The following NOXA1 variants were observed in gnomAD, a reference collection of about 807,000 sequenced individuals.
NOXA1 encodes the protein NADPH oxidase activator 1, also known as NCF2-like protein.
Under a neutral mutation model 64.8 loss-of-function variants are expected in NOXA1, and 56 were observed. The ratio of observed to expected loss-of-function variants is 0.86; its 90% CI spans 0.70 to 1.08. The LOEUF is 1.08. NOXA1 is among the 50% of genes least tolerant of loss of function. The pLI, the probability that NOXA1 is intolerant of heterozygous loss-of-function variation, is 0.00. For missense variants in NOXA1, 668 were observed against 658.5 expected (o/e 1.01, Z -0.16); for synonymous variants, 295 against 294.8 (o/e 1.00, Z -0.01).
At chr9:137,425,457 C>T (rs149349944) in intron 1 of NOXA1, among the ~76,000 whole-genome samples, 2,117 of 151,990 alleles carry the variant, frequency 0.014, 47 homozygotes, top group African/African-American at 0.048. Flanking sequence ...GCGATCTTGG[C>T]TCACTGCAAC....
intron 8 of NOXA1, among the ~76,000 whole-genome samples, chr9:137,432,017 A>C (rs1839129346): frequency 6.6e-6 from 1 of 152,190 alleles, no homozygotes; most frequent in South Asian, 2.1e-4. Context: ...GCTGTGCTTC[A>C]CTAATTCCCT....
chr9:137,429,456 G>A (rs975332664), intron 5 of NOXA1, 73 bp downstream of exon 5: 2 of 1,081,010 alleles, frequency 1.9e-6, no homozygotes, highest in South Asian at 1.4e-5. Context: ...CAGGGATGGG[G>A]GGAGGTGCAG....
Position 137,433,663 on chromosome 9 carries a change from G to A in NOXA1, c.1064+56G>A, listed in dbSNP as rs1839223459. On this transcript the variant is annotated intron_variant, in intron 11 of 13. Transcript: ENST00000683555. ...GGAGCTGGGCACCGCCCCGACTGAGGCAGCTGCTGGAAGAGGGGGTGGCAG... is the reference window on the plus strand; with the variant it reads ...GGAGCTGGGCACCGCCCCGACTGAGACAGCTGCTGGAAGAGGGGGTGGCAG... 6.6e-6 allele frequency: 10 copies of A among 1,517,076 alleles called. No individual in the cohort carries two copies. The South Asian group carries it at 1.2e-4, about 18-fold the overall frequency. The allele number at this position is 1,517,076 out of a possible 1,614,324, so 94.0% of individuals were successfully genotyped here.
At chr9:137,429,102 G>A (rs943879310) in intron 4 of NOXA1, 86 bp downstream of exon 4, 86 of 1,440,228 alleles carry the variant, frequency 6.0e-5, no homozygotes, top group African/African-American at 3.0e-4. Context: ...AGAAGCTTCC[G>A]GAGGGAGATG....
At chr9:137,428,483 G>A (rs570906581) in intron 3 of NOXA1, among the ~76,000 whole-genome samples, 17 of 151,742 alleles carry the variant, frequency 1.1e-4, no homozygotes, top group Non-Finnish European at 2.2e-4. Flanking sequence ...CGAAGGAGGG[G>A]TGCTGAGAGG....
intron 5 of NOXA1, among the ~76,000 whole-genome samples, chr9:137,430,109 C>A (rs1375871043): frequency 8.4e-6 from 1 of 119,744 alleles, no homozygotes; most frequent in Non-Finnish European, 1.7e-5. Context: ...CCCGGGGGGT[C>A]TCCCTGTGTC....
chr9:137,429,305 C>A lies in NOXA1; in HGVS notation c.534C>A (p.Val178=). 1 of 1,574,192 alleles carries A rather than the reference C, an allele frequency of 6.4e-7. No homozygotes were observed. Among genetic ancestry groups the A allele is most frequent in the Admixed American group, 1.9e-5 (1 of 53,570 alleles). ...GGGGCTCACTGCCGCCACGGCAGGT[C>A]CCCAGGGGCGAGGTCTTCCGGCCCC... ...QRRGSLPPRQ[V]PRGEVFRPHR... The change falls in exon 5 of 14, where the codon GTC becomes GTA. Residue 178 remains valine, a synonymous_variant. Transcript: ENST00000683555.
In NOXA1 at chr9:137,426,229, T is replaced by C. The variant is rs1482735924; in HGVS notation, c.178-19T>C. On this transcript the variant is annotated intron_variant, in intron 1 of 13. Coordinates refer to ENST00000683555, the MANE Select transcript of NOXA1 (RefSeq NM_001256067.2). ...CCAGGTTACAGACCTTGGCATCCCG[T>C]GGGCATTTTTGTCCCCAGGCATTTG... The C allele has an allele frequency of 1.2e-6, 2 of 1,611,772 alleles. No individual in the cohort carries two copies. The highest frequency in any genetic ancestry group is 1.7e-6 in the Non-Finnish European group (2 of 1,178,278).
intron 1 of NOXA1, among the ~76,000 whole-genome samples, chr9:137,425,496 C>CT (rs1838815865): frequency 6.6e-6 from 1 of 152,158 alleles, no homozygotes; most frequent in Non-Finnish European, 1.5e-5. Context: ...AGCGATTCTC[C>CT]TGCCTCAACC....
Position 137,433,528 on chromosome 9 carries a change from C to T in NOXA1, c.985C>T (p.Arg329Ter), listed in dbSNP as rs746385829. 4.3e-5 allele frequency: 68 copies of T among 1,593,706 alleles called. No homozygotes were observed. The highest frequency in any genetic ancestry group is 4.0e-4 in the South Asian group (35 of 88,214). The change falls in exon 11 of 14, where the codon CGA (arginine) becomes TGA (stop). Residue 329 changes from arginine to a stop codon, truncating the protein, a stop_gained. Coordinates refer to ENST00000683555, the MANE Select transcript of NOXA1 (RefSeq NM_001256067.2). LOFTEE classifies it high-confidence loss of function. The stretch of plus-strand genomic sequence containing the variant: ...CGCCTTCACAGTGGCCCTGAGGGCA[C>T]GAAGAGGAGCCGACCTGTCCAGCCT... ...QCAFTVALRA[R>*]RGADLSSLRA...
At chr9:137,433,324 T>A (rs1839202220) in intron 10 of NOXA1, 61 bp downstream of exon 10, 1 of 1,499,086 alleles carries the variant, frequency 6.7e-7, no homozygotes, top group African/African-American at 1.4e-5. Flanking sequence ...CCAAGCCCCA[T>A]CCCTCAGAAT....
chr9:137,431,044 C>T lies in NOXA1; in HGVS notation c.673-31C>T. On this transcript the variant is annotated intron_variant, in intron 6 of 13. Coordinates refer to ENST00000683555, the MANE Select transcript of NOXA1 (RefSeq NM_001256067.2). This position sits in a 1 kb window ranked among gnomAD's most constrained non-coding sequence, Gnocchi z 5.6. The stretch of plus-strand genomic sequence containing the variant: ...AGGGAGGGCGGCCCCCGACCCTTAA[C>T]CAGAGCGAGGTTGTTGCTTTGTGTC... 6.2e-7 allele frequency: 1 copy of T among 1,613,188 alleles called. No homozygotes were observed. The highest frequency in any genetic ancestry group is 8.5e-7 in the Non-Finnish European group (1 of 1,179,958).
At chr9:137,425,449 G>C (rs976051216) in intron 1 of NOXA1, among the ~76,000 whole-genome samples, 1 of 152,106 alleles carries the variant, frequency 6.6e-6, no homozygotes, top group South Asian at 2.1e-4. Context: ...GCAGTGGTGC[G>C]ATCTTGGCTC....
chr9:137,425,286 T>G (rs886446951), intron 1 of NOXA1, among the ~76,000 whole-genome samples: 2 of 152,276 alleles, frequency 1.3e-5, no homozygotes, highest in African/African-American at 4.8e-5. Flanking sequence ...GGAAGAGCTG[T>G]GCTTTACACA....
chr9:137,434,183 G>C (rs760115984), intron 13 of NOXA1, 41 bp from the exon 14 acceptor site: 1 of 1,588,854 alleles, frequency 6.3e-7, no homozygotes, highest in South Asian at 1.1e-5. Flanking sequence ...CAGAGGCCAC[G>C]CCTGGGTAAC....
In NOXA1 at chr9:137,431,411, CA is replaced by C; in HGVS notation, c.804+72del. The C allele has an allele frequency of 1.6e-6, 2 of 1,259,680 alleles. No individual in the cohort carries two copies. Among genetic ancestry groups the C allele is most frequent in the Non-Finnish European group, 2.3e-6 (2 of 878,472 alleles). 78.0% of individuals were successfully genotyped at this position (1,259,680 alleles called of 1,614,324 possible). On this transcript the variant is annotated intron_variant, in intron 8 of 13. Coordinates refer to ENST00000683555, the MANE Select transcript of NOXA1 (RefSeq NM_001256067.2). The surrounding 1 kb of genome is among the most constrained non-coding windows in gnomAD (Gnocchi z 5.6). ...TGCTGCCTCCGCAGACTGGGGACCA[CA>C]ATGGGACCAACATGAGGGTGGAGGG... is the stretch of plus-strand genomic sequence containing the variant.
intron 8 of NOXA1, among the ~76,000 whole-genome samples, chr9:137,432,362 A>T (rs900232692): frequency 6.6e-6 from 1 of 151,922 alleles, no homozygotes; most frequent in Non-Finnish European, 1.5e-5. Context: ...GGCGGATCAC[A>T]AGATCAGGAG....
chr9:137,424,750 A>G (rs964749245), intron 1 of NOXA1, among the ~76,000 whole-genome samples: 6 of 152,274 alleles, frequency 3.9e-5, no homozygotes, highest in African/African-American at 1.4e-4. Context: ...CAATGATTTC[A>G]TTTTAAAATG....
chr9:137,423,766 G>A (rs1838685942), intron 1 of NOXA1, 60 bp downstream of exon 1: 4 of 1,187,898 alleles, frequency 3.4e-6, no homozygotes, highest in African/African-American at 1.6e-5. Context: ...CCCTGGGGAG[G>A]GCCCAGCGCC....
Sources: gnomAD v4.1 joint callset for allele counts (sites outside exome capture counted in the v4.1 genomes callset) on GRCh38, gnomAD v4.1.1 for gene constraint, Gnocchi (gnomAD v3.1) non-coding constraint, MANE v1.5 for transcripts, NCBI Gene and HGNC (gene_info 2026-07-23, HGNC 2026-07-21) for gene names.